GULP1: variants seen among roughly 807,000 people sequenced by gnomAD.
GULP1 encodes the protein GULP PTB domain containing engulfment adaptor 1, also known as PTB domain-containing engulfment adapter protein 1.
Under a neutral mutation model 40.9 loss-of-function variants are expected in GULP1, and 19 were observed. The observed-to-expected ratio is 0.46, with a 90% CI of 0.32 to 0.68. The LOEUF is 0.68. Ranked by LOEUF, GULP1 falls within the 30% of genes least tolerant of loss-of-function variation. The pLI is 0.03. For missense variants in GULP1, 312 were observed against 362.2 expected (o/e 0.86, Z 1.12); for synonymous variants, 119 against 117.6 (o/e 1.01, Z -0.08).
At chr2:188,411,475 T>C (rs2053872845) in intron 2 of GULP1, among the ~76,000 whole-genome samples, 1 of 152,148 alleles carries the variant, frequency 6.6e-6, no homozygotes, top group African/African-American at 2.4e-5. Flanking sequence ...TGTTCACGAG[T>C]CCACTGGGTG....
chr2:188,513,789 T>A (rs1405288711), intron 4 of GULP1, among the ~76,000 whole-genome samples: 2 of 152,146 alleles, frequency 1.3e-5, no homozygotes, highest in Non-Finnish European at 2.9e-5. Context: ...TTCACCGTAA[T>A]AAATTTTGTC....
At chr2:188,460,329 A>G (rs2059597604) in intron 2 of GULP1, among the ~76,000 whole-genome samples, 1 of 151,238 alleles carries the variant, frequency 6.6e-6, no homozygotes, top group Non-Finnish European at 1.5e-5. Flanking sequence ...TCTCATTCGC[A>G]TTTTATAGTT....
At chr2:188,352,618 TCA>T (rs66499080) in intron 1 of GULP1, among the ~76,000 whole-genome samples, 29,143 of 134,394 alleles carry the variant, frequency 0.22, 3,561 homozygotes, top group South Asian at 0.31. Context: ...TCTCTCTCTC[TCA>T]CACACACACA....
At chr2:188,504,204 C>T (rs772007477) in intron 4 of GULP1, among the ~76,000 whole-genome samples, 4 of 151,832 alleles carry the variant, frequency 2.6e-5, no homozygotes, top group Non-Finnish European at 5.9e-5. Flanking sequence ...GCTAGGAAAG[C>T]TCTAAAAAGA....
At chr2:188,493,363 A>G (rs1328020724) in intron 4 of GULP1, among the ~76,000 whole-genome samples, 2 of 152,014 alleles carry the variant, frequency 1.3e-5, no homozygotes, top group South Asian at 2.1e-4. Context: ...TCGATGCCTG[A>G]GACTTCATTT....
chr2:188,561,338 G>A (rs985936647), intron 7 of GULP1, among the ~76,000 whole-genome samples: 3 of 152,208 alleles, frequency 2.0e-5, no homozygotes, highest in African/African-American at 4.8e-5. Context: ...AGCAGGCACT[G>A]TGGTATGGGT....
At chr2:188,450,087 C>T (rs1003068648) in intron 2 of GULP1, among the ~76,000 whole-genome samples, 6 of 152,046 alleles carry the variant, frequency 3.9e-5, no homozygotes, top group Non-Finnish European at 8.8e-5. Flanking sequence ...TAATAATGTA[C>T]ATGATATGAA....
intron 1 of GULP1, among the ~76,000 whole-genome samples, chr2:188,361,891 A>C (rs1252735628): frequency 6.6e-6 from 1 of 152,110 alleles, no homozygotes; most frequent in Non-Finnish European, 1.5e-5. Context: ...GATTTTGAAC[A>C]AAATCTTGTT....
chr2:188,413,040 C>G (rs1299142844), intron 2 of GULP1, among the ~76,000 whole-genome samples: 18 of 152,034 alleles, frequency 1.2e-4, no homozygotes, highest in Admixed American at 1.2e-3. Context: ...CAAATACATT[C>G]AGCAATGTAA....
chr2:188,543,610 A>G (rs1159710899), intron 7 of GULP1, among the ~76,000 whole-genome samples: 2 of 152,178 alleles, frequency 1.3e-5, no homozygotes, highest in East Asian at 3.8e-4. Context: ...ATAGAGTGTT[A>G]AAATGGGAAA....
chr2:188,429,080 G>A (rs977860658), intron 2 of GULP1, among the ~76,000 whole-genome samples: 1 of 152,034 alleles, frequency 6.6e-6, no homozygotes, highest in Admixed American at 6.5e-5. Flanking sequence ...GAGTATTTAT[G>A]GTTTTGTATA....
At chr2:188,294,716 CCTGA>C (rs1383801949) in intron 1 of GULP1, among the ~76,000 whole-genome samples, 2 of 151,986 alleles carry the variant, frequency 1.3e-5, no homozygotes, top group Non-Finnish European at 2.9e-5. Flanking sequence ...AAATGTTTTC[CCTGA>C]CTATGATTTC....
chr2:188,473,026 T>TA (rs143281445), intron 2 of GULP1, among the ~76,000 whole-genome samples: 5,458 of 152,332 alleles, frequency 0.036, 131 homozygotes, highest in Middle Eastern at 0.061. Context: ...CTGTGGTTCT[T>TA]AGAGACTCAT....
chr2:188,570,736 G>A (rs1432315220), intron 9 of GULP1, among the ~76,000 whole-genome samples: 2 of 152,040 alleles, frequency 1.3e-5, no homozygotes, highest in East Asian at 3.8e-4. Context: ...TTTATTGGAG[G>A]GAGGTGGAAT....
intron 2 of GULP1, among the ~76,000 whole-genome samples, chr2:188,398,683 A>G (rs1401342846): frequency 6.6e-6 from 1 of 152,166 alleles, no homozygotes; most frequent in Non-Finnish European, 1.5e-5. Flanking sequence ...TTTAGTCTAA[A>G]CTAGTTATTC....
At chr2:188,532,818 G>T (rs530514123) in intron 6 of GULP1, among the ~76,000 whole-genome samples, 1 of 151,716 alleles carries the variant, frequency 6.6e-6, no homozygotes, top group Non-Finnish European at 1.5e-5. Context: ...CCACTCAGGA[G>T]GCTGAGGCAG....
rs183880704 is a variant in GULP1, at chr2:188,402,209, G to A, written c.-45+18320G>A. Among the ~76,000 whole-genome samples the A allele has an allele frequency of 4.5e-4, 69 of 152,218 alleles. 1 individual carries two copies. The highest frequency in any genetic ancestry group is 8.9e-4 in the African/African-American group (37 of 41,560). ...TAACTTTAATAAAAGGCTGAAAGCC[G>A]GCTAGTACCTACAGTAAGGAAAATC... On this transcript the variant is annotated intron_variant, in intron 2 of 11. Coordinates refer to ENST00000409830, the MANE Select transcript of GULP1 (RefSeq NM_016315.4).
chr2:188,432,166 T>C (rs1452172318), intron 2 of GULP1, among the ~76,000 whole-genome samples: 3 of 151,660 alleles, frequency 2.0e-5, no homozygotes, highest in Non-Finnish European at 4.4e-5. Context: ...TAAGAAAAAA[T>C]ATCTTCGTAT....
At chr2:188,492,135 G>A (rs2062453107) in intron 4 of GULP1, among the ~76,000 whole-genome samples, 2 of 152,144 alleles carry the variant, frequency 1.3e-5, no homozygotes, top group African/African-American at 2.4e-5. Flanking sequence ...GGGATATGGT[G>A]TAATTCATAC....
Sources: allele counts gnomAD v4.1 joint callset (sites outside exome capture counted in the v4.1 genomes callset), GRCh38; gene constraint gnomAD v4.1.1; transcripts MANE v1.5; gene names NCBI Gene and HGNC (gene_info 2026-07-23, HGNC 2026-07-21).